KDM5B: variants seen among roughly 807,000 people sequenced by gnomAD.
KDM5B encodes the protein lysine-specific demethylase 5B.
In KDM5B, 144 loss-of-function variants were observed where a neutral mutation model predicts 193.4. The observed-to-expected ratio is 0.74, with a 90% CI of 0.65 to 0.86. KDM5B has a LOEUF of 0.86. KDM5B is among the 40% of genes least tolerant of loss of function. KDM5B has a pLI of 0.00. For missense variants in KDM5B, 1,833 were observed against 1,886.9 expected (o/e 0.97, Z 0.53); for synonymous variants, 668 against 682.6 (o/e 0.98, Z 0.33).
At chr1:202,792,363 A>G (rs1267967421) in intron 1 of KDM5B, among the ~76,000 whole-genome samples, 2 of 151,788 alleles carry the variant, frequency 1.3e-5, no homozygotes, top group African/African-American at 2.4e-5. Context: ...AAATTCAAAC[A>G]CTTAGGCCCA....
chr1:202,768,869 C>T (rs529841881), intron 4 of KDM5B, among the ~76,000 whole-genome samples: 3 of 151,710 alleles, frequency 2.0e-5, no homozygotes, highest in African/African-American at 7.2e-5. Flanking sequence ...AGGCATGCAC[C>T]ACCACGCCCG....
In KDM5B at chr1:202,765,454, GT is replaced by G. The variant is rs1302269444; in HGVS notation, c.712-1310del. 7.9e-5 allele frequency among the ~76,000 whole-genome samples: 12 copies of G among 152,324 alleles called. No homozygotes were observed. In the South Asian group the frequency reaches 2.5e-3, roughly 32 times the overall value. On this transcript the variant is annotated intron_variant, in intron 5 of 26. Coordinates refer to ENST00000367265, the MANE Select transcript of KDM5B (RefSeq NM_006618.5). ...TTTAATGATGTCCACTGCTAAAAGA[GT>G]TTATTCCATGGGCAATATCATTACT...
intron 1 of KDM5B, among the ~76,000 whole-genome samples, chr1:202,783,061 C>T (rs1403327820): frequency 6.6e-6 from 1 of 152,170 alleles, no homozygotes; most frequent in Admixed American, 6.5e-5. Flanking sequence ...GCCTGGCCAA[C>T]ATGGCGAAAT....
At position 202,745,948 on chromosome 1, in the gene KDM5B, T is replaced by C. The variant is rs1655536698; in HGVS notation, c.2233A>G (p.Met745Val). The C allele has an allele frequency of 1.2e-6, 2 of 1,613,782 alleles. No homozygotes were observed. The highest frequency in any genetic ancestry group is 1.7e-6 in the Non-Finnish European group (2 of 1,179,786). ...RYTLDDLYPMMNALKLRAESY... is the reference protein window; with the variant it reads ...RYTLDDLYPMVNALKLRAESY... ...TCTGCTCGAAGCTTCAATGCATTCA[T>C]CATAGGGTAGAGATCATCCAGCGTG... Residue 745 changes from methionine (M) to valine (V), a missense_variant, in exon 16 of 27, where the codon ATG (methionine) becomes GTG (valine). Physicochemically the swap from Met to Val is conservative, Grantham distance 21 (BLOSUM62 1). Around this residue, in one of 3 missense-constraint regions of KDM5B, gnomAD observed 1,379 missense variants for 1,349.6 expected, o/e 1.02. Transcript: ENST00000367265.
chr1:202,789,450 G>A (rs1020326226), intron 1 of KDM5B, among the ~76,000 whole-genome samples: 1 of 150,050 alleles, frequency 6.7e-6, no homozygotes, highest in African/African-American at 2.5e-5. Flanking sequence ...GAGCCCAGGA[G>A]GCAGAGGTTG....
intron 1 of KDM5B, among the ~76,000 whole-genome samples, chr1:202,806,124 G>C (rs1162017054): frequency 6.6e-6 from 1 of 152,196 alleles, no homozygotes; most frequent in Non-Finnish European, 1.5e-5. Flanking sequence ...GAAATGGGTA[G>C]CCAAGCCTAA....
Position 202,736,282 on chromosome 1 carries a change from C to G in KDM5B, c.3195G>C (p.Glu1065Asp). ...CAGCACATTCTTTCCAAGCCTGAAC[C>G]TCAGCTACTAGGGTTTCCAGTCTTG... is the stretch of plus-strand genomic sequence containing the variant. ...SLPRLETLVAEVQAWKECAVN... is the reference protein window; with the variant it reads ...SLPRLETLVADVQAWKECAVN... The change falls in exon 21 of 27, where the codon GAG (glutamate) becomes GAC (aspartate). Residue 1065 changes from glutamate (E) to aspartate (D), a missense_variant. By Grantham distance (45) the Glu-to-Asp change is conservative. This residue lies in a region of KDM5B where 1,379 missense variants were observed against 1,349.6 expected (regional missense o/e 1.02). Coordinates refer to ENST00000367265, the MANE Select transcript of KDM5B (RefSeq NM_006618.5). 3 of 1,612,366 alleles carry G rather than the reference C, an allele frequency of 1.9e-6. No individual in the cohort carries two copies. The highest frequency in any genetic ancestry group is 2.5e-6 in the Non-Finnish European group (3 of 1,179,206).
At chr1:202,798,725 A>G (rs1045321786) in intron 1 of KDM5B, among the ~76,000 whole-genome samples, 1 of 152,120 alleles carries the variant, frequency 6.6e-6, no homozygotes, top group Non-Finnish European at 1.5e-5. Flanking sequence ...GAAAAAAAGA[A>G]AACAATCCCT....
chr1:202,768,564 T>C (rs559752421), intron 4 of KDM5B, among the ~76,000 whole-genome samples: 28 of 152,296 alleles, frequency 1.8e-4, no homozygotes, highest in African/African-American at 6.0e-4. Context: ...TTATTTCTAA[T>C]AGTTAAGAAA....
In KDM5B at chr1:202,735,574, C is replaced by A. The variant is rs79276090; in HGVS notation, c.3278G>T (p.Arg1093Leu). ...PYSLLEVLCP[R>L]CDIGLLGLKR... ...CAATCCCAAAAGGCCAATATCACAT[C>A]GAGGACACAGCACCTAATGTGGGAC... Residue 1093 changes from arginine (R) to leucine (L), a missense_variant, in exon 22 of 27, where the codon CGA (arginine) becomes CTA (leucine). Physicochemically the swap from Arg to Leu is moderately radical, Grantham distance 102. Around this residue, in one of 3 missense-constraint regions of KDM5B, gnomAD observed 1,379 missense variants for 1,349.6 expected, o/e 1.02. Coordinates refer to ENST00000367265, the MANE Select transcript of KDM5B (RefSeq NM_006618.5). 1 of 1,613,764 alleles carries A rather than the reference C, an allele frequency of 6.2e-7. No homozygotes were observed.
chr1:202,732,829 C>CT lies in KDM5B; in HGVS notation c.3909+571dup, dbSNP rs548055339. 3.4e-4 allele frequency among the ~76,000 whole-genome samples: 52 copies of CT among 152,276 alleles called. 1 individual carries two copies. Among genetic ancestry groups the CT allele is most frequent in the Middle Eastern group, 3.4e-3 (1 of 294 alleles). On this transcript the variant is annotated intron_variant, in intron 23 of 26. Coordinates refer to ENST00000367265, the MANE Select transcript of KDM5B (RefSeq NM_006618.5). ...CTTCACATTCTTTTACTGCAGCCAC[C>CT]TATGGAAGATAACAGAAAACTCTGC...
chr1:202,782,887 G>C (rs896328283), intron 1 of KDM5B, among the ~76,000 whole-genome samples: 1 of 152,176 alleles, frequency 6.6e-6, no homozygotes, highest in Admixed American at 6.5e-5. Context: ...AAGTAAGCCA[G>C]GTGTAGTGGG....
At chr1:202,750,564 C>G in intron 13 of KDM5B, 95 bp downstream of exon 13, 1 of 1,357,780 alleles carries the variant, frequency 7.4e-7, no homozygotes, top group Non-Finnish European at 1.0e-6. Context: ...CATGAGCTAC[C>G]GCACCCAGCC....
At chr1:202,804,419 C>T (rs745814179) in intron 1 of KDM5B, among the ~76,000 whole-genome samples, 8 of 151,988 alleles carry the variant, frequency 5.3e-5, no homozygotes, top group African/African-American at 1.7e-4. Flanking sequence ...AGGCCTAAGT[C>T]GATCAAACCC....
chr1:202,760,865 A>G (rs568567357), intron 7 of KDM5B, among the ~76,000 whole-genome samples: 1 of 152,276 alleles, frequency 6.6e-6, no homozygotes, highest in Non-Finnish European at 1.5e-5. Flanking sequence ...CAAAACAACA[A>G]GATGCTAAGG....
chr1:202,759,342 C>A (rs1026475799), intron 8 of KDM5B, among the ~76,000 whole-genome samples: 2 of 151,958 alleles, frequency 1.3e-5, no homozygotes, highest in Non-Finnish European at 2.9e-5. Context: ...AGTTCTGAGA[C>A]CAGCATGGAC....
chr1:202,774,301 G>A (rs1656846286), intron 3 of KDM5B, among the ~76,000 whole-genome samples: 1 of 152,112 alleles, frequency 6.6e-6, no homozygotes. Flanking sequence ...CTGGAGTGCA[G>A]TGGTGCAATC....
chr1:202,801,907 G>T (rs1305915195), intron 1 of KDM5B, among the ~76,000 whole-genome samples: 1 of 151,502 alleles, frequency 6.6e-6, no homozygotes, highest in South Asian at 2.1e-4. Context: ...GCCCTCTGGT[G>T]AGTCCCCTTC....
intron 4 of KDM5B, among the ~76,000 whole-genome samples, chr1:202,770,271 T>C (rs1656657395): frequency 6.6e-6 from 1 of 152,182 alleles, no homozygotes. Context: ...AATCACATCA[T>C]CCCAAAGACA....
Sources: gnomAD v4.1 joint callset for allele counts (sites outside exome capture counted in the v4.1 genomes callset) on GRCh38, gnomAD v4.1.1 for gene constraint, gnomAD v4.1.1 regional missense constraint, MANE v1.5 for transcripts, NCBI Gene and HGNC (gene_info 2026-07-23, HGNC 2026-07-21) for gene names.